PRELID2: variants seen among roughly 807,000 people sequenced by gnomAD.
PRELID2 encodes PRELI domain-containing protein 2.
Under a neutral mutation model 28.4 loss-of-function variants are expected in PRELID2, and 25 were observed. That is an observed-to-expected ratio of 0.88 (90% confidence interval 0.64 to 1.23). The LOEUF is 1.23. PRELID2 is among the 50% of genes most tolerant of loss of function. The pLI is 0.00. For synonymous variants in PRELID2, 76 were observed against 71.6 expected (o/e 1.06, Z -0.31); for missense variants, 201 against 214.4 (o/e 0.94, Z 0.39).
At chr5:145,291,773 C>G in the PRELID2 span, among the ~76,000 whole-genome samples, 1 of 152,100 alleles carries the variant, frequency 6.6e-6, no homozygotes. Context: ...ACACTTAGAT[C>G]TATGATCTAT....
chr5:145,345,820 GCACCCCCGCCC>G, the PRELID2 span, among the ~76,000 whole-genome samples: 3 of 142,792 alleles, frequency 2.1e-5, no homozygotes, highest in Non-Finnish European at 4.6e-5. Context: ...CCACCACCCC[GCACCCCCGCCC>G]CACCCCACAC....
intron 1 of PRELID2, among the ~76,000 whole-genome samples, chr5:145,623,221 T>C (rs926020750): frequency 8.0e-5 from 12 of 150,820 alleles, no homozygotes; most frequent in Non-Finnish European, 1.8e-4. Flanking sequence ...GAGGCCACAG[T>C]GGGCAGATCA....
Position 145,596,099 on chromosome 5 carries a change from C to CAAAAAAAAAAAAAAAAAAAA in PRELID2, n.71-122804_71-122785dup, listed in dbSNP as rs552746530. 1.8e-3 allele frequency among the ~76,000 whole-genome samples: 78 copies of CAAAAAAAAAAAAAAAAAAAA among 43,944 alleles called. 6 individuals are homozygous for CAAAAAAAAAAAAAAAAAAAA. The highest frequency in any genetic ancestry group is 2.5e-3 in the Non-Finnish European group (56 of 22,586). 28.8% of individuals were successfully genotyped at this position (43,944 alleles called of 152,430 possible). A position where few individuals can be genotyped will look rare whatever the true frequency, so the allele number is the denominator to read the frequency against. On this transcript the variant is annotated intron_variant and non_coding_transcript_variant, in intron 1 of 2. Coordinates refer to the PRELID2 transcript ENST00000510259. ...TGGGTGACAGAGTGAGAGCCTGTCT[C>CAAAAAAAAAAAAAAAAAAAA]AAAAAAAAAAAAAAAAAAAAGTCTG...
chr5:145,534,328 TG>T (rs1752681746), intron 1 of PRELID2, among the ~76,000 whole-genome samples: 1 of 152,072 alleles, frequency 6.6e-6, no homozygotes, highest in Non-Finnish European at 1.5e-5. Context: ...ACAGGAAATG[TG>T]TATTTTATGA....
intron 1 of PRELID2, among the ~76,000 whole-genome samples, chr5:145,518,661 T>C (rs1282637979): frequency 6.6e-6 from 1 of 152,222 alleles, no homozygotes; most frequent in Non-Finnish European, 1.5e-5. Context: ...ATCAATCCTT[T>C]AGTGATATCT....
chr5:145,819,743 A>G (rs1754627260), intron 3 of PRELID2: 3 of 594,854 alleles, frequency 5.0e-6, no homozygotes, highest in Non-Finnish European at 6.0e-6. Flanking sequence ...AGTTCTTCAC[A>G]AGACAGAGAG....
intron 1 of PRELID2, among the ~76,000 whole-genome samples, chr5:145,654,804 C>G (rs888141361): frequency 4.6e-5 from 7 of 152,064 alleles, no homozygotes; most frequent in African/African-American, 1.7e-4. Context: ...ACTGAATGGG[C>G]AAAAACTGGA....
At chr5:145,633,753 A>G (rs1753963981) in intron 1 of PRELID2, among the ~76,000 whole-genome samples, 1 of 152,166 alleles carries the variant, frequency 6.6e-6, no homozygotes, top group Admixed American at 6.5e-5. Flanking sequence ...TGCTGGCTTT[A>G]CGTCTCATTA....
At chr5:145,381,261 C>A in the PRELID2 span, among the ~76,000 whole-genome samples, 1 of 152,154 alleles carries the variant, frequency 6.6e-6, no homozygotes, top group African/African-American at 2.4e-5. Flanking sequence ...CAAAATGATG[C>A]AGTCTTTCTG....
At chr5:145,275,963 T>C in the PRELID2 span, among the ~76,000 whole-genome samples, 2 of 152,124 alleles carry the variant, frequency 1.3e-5, no homozygotes, top group Non-Finnish European at 2.9e-5. Flanking sequence ...CACACGTAGA[T>C]GTACATAACT....
At chr5:145,800,174 G>T (rs1031970067) in intron 4 of PRELID2, among the ~76,000 whole-genome samples, 3 of 151,920 alleles carry the variant, frequency 2.0e-5, no homozygotes, top group African/African-American at 7.3e-5. Flanking sequence ...GGTCAAAATG[G>T]TTATTAAAAC....
At chr5:145,366,031 C>T in the PRELID2 span, among the ~76,000 whole-genome samples, 2 of 151,826 alleles carry the variant, frequency 1.3e-5, no homozygotes, top group Admixed American at 6.6e-5. Context: ...AAATAGATAT[C>T]TGTATGATTT....
the PRELID2 span, among the ~76,000 whole-genome samples, chr5:145,437,750 C>T: frequency 3.9e-5 from 6 of 152,098 alleles, no homozygotes; most frequent in Admixed American, 6.6e-5. Context: ...CCTTCCCTCT[C>T]CCTCTGTTTT....
intron 1 of PRELID2, among the ~76,000 whole-genome samples, chr5:145,570,756 T>C (rs888633013): frequency 1.3e-5 from 2 of 152,186 alleles, no homozygotes; most frequent in South Asian, 4.1e-4. Context: ...GTCATTGTCC[T>C]CCCATTGTCC....
chr5:145,680,276 T>A (rs1224308446), intron 1 of PRELID2, among the ~76,000 whole-genome samples: 3 of 152,178 alleles, frequency 2.0e-5, no homozygotes, highest in Non-Finnish European at 4.4e-5. Context: ...GTGAAAAGTC[T>A]ATGGAAAGGA....
At chr5:145,381,089 C>T in the PRELID2 span, among the ~76,000 whole-genome samples, 14 of 152,106 alleles carry the variant, frequency 9.2e-5, no homozygotes, top group African/African-American at 3.4e-4. Flanking sequence ...AAATTCTGAA[C>T]AAGTTGTCTC....
intron 4 of PRELID2, among the ~76,000 whole-genome samples, chr5:145,806,113 T>C (rs1581239954): frequency 6.6e-6 from 1 of 152,286 alleles, no homozygotes; most frequent in East Asian, 1.9e-4. Flanking sequence ...ACACTAAATT[T>C]ATTTTTAAAA....
chr5:145,638,520 G>A (rs918456538), intron 1 of PRELID2, among the ~76,000 whole-genome samples: 1 of 152,086 alleles, frequency 6.6e-6, no homozygotes, highest in Non-Finnish European at 1.5e-5. Flanking sequence ...GCTATTCAAT[G>A]CAAGTACTAG....
At chr5:145,712,980 A>ATT (rs1376360912) in intron 1 of PRELID2, among the ~76,000 whole-genome samples, 1 of 152,096 alleles carries the variant, frequency 6.6e-6, no homozygotes, top group Admixed American at 6.5e-5. Context: ...AGATAGGTCA[A>ATT]TAGAAACTGT....
Sources: gnomAD v4.1 joint callset for allele counts (sites outside exome capture counted in the v4.1 genomes callset) on GRCh38, gnomAD v4.1.1 for gene constraint, MANE v1.5 for transcripts, NCBI Gene and HGNC (gene_info 2026-07-23, HGNC 2026-07-21) for gene names.